DGKE: variants seen among roughly 807,000 people sequenced by gnomAD.
DGKE encodes diacylglycerol kinase epsilon.
A neutral mutation model predicts 70.0 loss-of-function variants in DGKE; 53 were observed. The observed-to-expected ratio is 0.76, with a 90% CI of 0.61 to 0.95. The LOEUF is 0.95. DGKE is among the 40% of genes least tolerant of loss of function. The probability of loss-of-function intolerance (pLI) is 0.00; values close to 1 mark genes in which losing one functional copy is unlikely to be tolerated. For missense variants in DGKE, 655 were observed against 706.9 expected (o/e 0.93, Z 0.83); for synonymous variants, 291 against 257.0 (o/e 1.13, Z -1.27).
In DGKE at chr17:56,845,236, GAAAT is replaced by G. The variant is rs1243231639; in HGVS notation, c.625-450_625-447del. 3.3e-5 allele frequency among the ~76,000 whole-genome samples: 5 copies of G among 152,002 alleles called. 1 individual carries two copies. The highest frequency in any genetic ancestry group is 7.4e-5 in the Non-Finnish European group (5 of 67,924). On this transcript the variant is annotated intron_variant, in intron 3 of 11. Transcript: ENST00000284061. ...ATCTGAGTACCCCATTTTAAAAAAA[GAAAT>G]AAAACCTTGCAAAACACACCAGAAT...
intron 6 of DGKE, 148 bp from the exon 7 acceptor site, chr17:56,849,033 C>T (rs1202793300): frequency 1.7e-6 from 2 of 1,147,016 alleles, no homozygotes; most frequent in African/African-American, 3.1e-5. Flanking sequence ...ATAAGTTACA[C>T]TGAGTACTTA....
At position 56,862,606 on chromosome 17, in the gene DGKE, T is replaced by C. The variant is rs1020252582; in HGVS notation, c.1525-6T>C. ...CTTTTAAACATTATTTGTTCCCTAA[T>C]ATCAGCTGATTTTGAAGTGCTCCAT... is the stretch of plus-strand genomic sequence containing the variant. On this transcript the variant is annotated splice_polypyrimidine_tract_variant and splice_region_variant and intron_variant, in intron 11 of 11. Coordinates refer to ENST00000284061, the MANE Select transcript of DGKE (RefSeq NM_003647.3). 1 of 1,524,272 alleles carries C rather than the reference T, an allele frequency of 6.6e-7. No individual in the cohort carries two copies. The highest frequency in any genetic ancestry group is 8.8e-7 in the Non-Finnish European group (1 of 1,142,794). 94.4% of individuals were successfully genotyped at this position (1,524,272 alleles called of 1,614,324 possible).
At position 56,834,172 on chromosome 17, in the gene DGKE, T is replaced by G. The variant is rs1328050457; in HGVS notation, c.-107T>G. 2 of 152,380 alleles carry G rather than the reference T, an allele frequency of 1.3e-5. No individual in the cohort carries two copies. Among genetic ancestry groups the G allele is most frequent in the African/African-American group, 4.8e-5 (2 of 41,454 alleles). 9.4% of individuals were successfully genotyped at this position (152,380 alleles called of 1,614,324 possible). On this transcript the variant is annotated 5_prime_UTR_variant, in exon 1 of 12. Transcript: ENST00000284061. ...CCTTAAGCGTTTCCCCCGCCCGGCT[T>G]CATCCCTGCTGGCGGCCCAGCGTCG...
chr17:56,838,680 C>CA (rs1555597314), intron 2 of DGKE: 1 of 150,312 alleles, frequency 6.7e-6, no homozygotes, highest in African/African-American at 2.4e-5. Flanking sequence ...CTTGTTAAAC[C>CA]TTTTTTTTTT....
In DGKE at chr17:56,847,909, C is replaced by G; in HGVS notation, c.745-13C>G. ...TTGGATAAAAATAATTTGTCTTTTT[C>G]TTTTGTTTCTAGGTTTTTGATGTAA... On this transcript the variant is annotated splice_polypyrimidine_tract_variant and intron_variant, in intron 4 of 11. Transcript: ENST00000284061. The G allele has an allele frequency of 6.5e-7, 1 of 1,531,008 alleles. No individual in the cohort carries two copies. Among genetic ancestry groups the G allele is most frequent in the Non-Finnish European group, 8.8e-7 (1 of 1,139,774 alleles). The allele number at this position is 1,531,008 out of a possible 1,614,324, so 94.8% of individuals were successfully genotyped here.
chr17:56,838,881 A>G (rs1248868477), intron 2 of DGKE: 1 of 152,146 alleles, frequency 6.6e-6, no homozygotes, highest in Non-Finnish European at 1.5e-5. Context: ...AGGAAAAAAC[A>G]TCATGAATTC....
At chr17:56,839,549 C>T (rs984668121) in intron 2 of DGKE, among the ~76,000 whole-genome samples, 1 of 152,138 alleles carries the variant, frequency 6.6e-6, no homozygotes, top group Non-Finnish European at 1.5e-5. Flanking sequence ...CAGGGTCTTA[C>T]TCTATATTGC....
At chr17:56,849,753 CTG>C (rs1907536776) in intron 7 of DGKE, among the ~76,000 whole-genome samples, 1 of 152,022 alleles carries the variant, frequency 6.6e-6, no homozygotes, top group African/African-American at 2.4e-5. Context: ...GTTTTTATAA[CTG>C]AATATATGGA....
rs368992473 is a variant in DGKE at position 56,843,797 on chromosome 17, C to CAAA, written c.465-207_465-205dup. Among the ~76,000 whole-genome samples the CAAA allele has an allele frequency of 9.1e-5, 10 of 109,392 alleles. 3 individuals carry two copies. Among genetic ancestry groups the CAAA allele is most frequent in the African/African-American group, 1.4e-4 (4 of 29,008 alleles). 71.8% of individuals were successfully genotyped at this position (109,392 alleles called of 152,430 possible). A position where few individuals can be genotyped will look rare whatever the true frequency, so the allele number is the denominator to read the frequency against. On this transcript the variant is annotated intron_variant, in intron 2 of 11. Transcript: ENST00000284061. ...TGGTGGACAGAGTGAGACCCTGTCT[C>CAAA]AAAAAAAAAAAAAAAAAGTGCTGTT... is the stretch of plus-strand genomic sequence containing the variant.
intron 10 of DGKE, 24 bp from the exon 11 acceptor site, chr17:56,862,116 C>G (rs763653910): frequency 1.9e-6 from 3 of 1,607,654 alleles, no homozygotes; most frequent in Admixed American, 1.7e-5. Flanking sequence ...TCATATAATC[C>G]ATATTTTCTT....
intron 7 of DGKE, among the ~76,000 whole-genome samples, chr17:56,852,607 TTA>T (rs1491569542): frequency 3.6e-4 from 53 of 148,158 alleles, no homozygotes; most frequent in African/African-American, 1.1e-3. Context: ...TTGATTTATT[TTA>T]AAAAAAAAAT....
chr17:56,834,416 G>C (rs914263300), intron 1 of DGKE, among the ~76,000 whole-genome samples, 156 bp downstream of exon 1: 3 of 152,232 alleles, frequency 2.0e-5, no homozygotes, highest in Admixed American at 1.3e-4. Flanking sequence ...GGCGCCGACC[G>C]GCGTTGCCTG....
At position 56,858,611 on chromosome 17, in the gene DGKE, T is replaced by C. The variant is rs1423067946; in HGVS notation, c.1230T>C (p.Tyr410=). 3.1e-6 allele frequency: 5 copies of C among 1,608,070 alleles called. No homozygotes were observed. The highest frequency in any genetic ancestry group is 1.7e-4 in the Middle Eastern group (1 of 6,040). ...RILNKAVYLF[Y]GTKDCLVQEC... The stretch of plus-strand genomic sequence containing the variant: ...TTTCATAGGCGGTTTACTTATTCTA[T>C]GGAACCAAAGATTGTTTAGTGCAAG... The change falls in exon 9 of 12, where the codon TAT becomes TAC. Residue 410 remains tyrosine, a synonymous_variant. Coordinates refer to ENST00000284061, the MANE Select transcript of DGKE (RefSeq NM_003647.3).
chr17:56,848,625 A>T, intron 5 of DGKE, 71 bp from the exon 6 acceptor site: 1 of 1,523,864 alleles, frequency 6.6e-7, no homozygotes, highest in South Asian at 1.2e-5. Context: ...GGTCTTATTA[A>T]ATTTTACAAA....
At chr17:56,856,775 T>A in intron 8 of DGKE, 150 bp downstream of exon 8, 4 of 1,008,820 alleles carry the variant, frequency 4.0e-6, no homozygotes, top group Non-Finnish European at 5.5e-6. Flanking sequence ...TCAAATTAGA[T>A]CTTTTTTTTT....
rs1908609266 is a variant in DGKE at position 56,868,154 on chromosome 17, CATT to C, written c.*5364_*5366del. 6.6e-6 allele frequency: 1 copy of C among 152,272 alleles called. No homozygotes were observed. Among genetic ancestry groups the C allele is most frequent in the Admixed American group, 6.5e-5 (1 of 15,282 alleles). The allele number at this position is 152,272 out of a possible 1,614,324, so 9.4% of individuals were successfully genotyped here. On this transcript the variant is annotated 3_prime_UTR_variant, in exon 12 of 12. Transcript: ENST00000284061. Reference sequence around the variant, plus strand: ...TCAGTTGTTTTCCTTGTTCCTCTGACATTGTCCAGGCAAGAGGGCATCCTGATC... The same window carrying C: ...TCAGTTGTTTTCCTTGTTCCTCTGACGTCCAGGCAAGAGGGCATCCTGATC...
At chr17:56,848,675 A>G (rs754823301) in intron 5 of DGKE, 21 bp from the exon 6 acceptor site, 1 of 1,606,948 alleles carries the variant, frequency 6.2e-7, no homozygotes, top group South Asian at 1.1e-5. Context: ...AAAAATCTAA[A>G]ACATATCTTC....
At chr17:56,841,103 T>C (rs1255421416) in intron 2 of DGKE, among the ~76,000 whole-genome samples, 47 of 151,678 alleles carry the variant, frequency 3.1e-4, no homozygotes, top group Admixed American at 3.1e-3. Flanking sequence ...ATACAAAAAT[T>C]AGCTGGGCGT....
intron 7 of DGKE, among the ~76,000 whole-genome samples, chr17:56,852,441 C>T (rs554692634): frequency 3.9e-4 from 59 of 151,632 alleles, no homozygotes; most frequent in South Asian, 1.5e-3. Context: ...AAGTAATGAT[C>T]TGATTATGTT....
Sources: allele counts gnomAD v4.1 joint callset (sites outside exome capture counted in the v4.1 genomes callset), GRCh38; gene constraint gnomAD v4.1.1; transcripts MANE v1.5; gene names NCBI Gene and HGNC (gene_info 2026-07-23, HGNC 2026-07-21).